Variants in ASTN2 observed in about 807,000 individuals in gnomAD.
ASTN2 encodes astrotactin 2.
In ASTN2, 54 loss-of-function variants were observed where a neutral mutation model predicts 139.8. The observed-to-expected ratio is 0.39, with a 90% CI of 0.31 to 0.48. The LOEUF (loss-of-function observed/expected upper bound fraction) is 0.48, where lower values mean the gene tolerates loss of function less well. Among genes scored for constraint, ASTN2 ranks in the 20% least tolerant of loss-of-function variants. The pLI is 0.95. For synonymous variants in ASTN2, 756 were observed against 719.5 expected (o/e 1.05, Z -0.81); for missense variants, 1,565 against 1,725.1 (o/e 0.91, Z 1.64).
intron 10 of ASTN2, among the ~76,000 whole-genome samples, chr9:116,954,099 CTTA>C (rs1057193986): frequency 9.9e-5 from 15 of 152,102 alleles, no homozygotes; most frequent in African/African-American, 2.9e-4. Flanking sequence ...TTATTCAACT[CTTA>C]TTATGAGCTG....
intron 16 of ASTN2, among the ~76,000 whole-genome samples, chr9:116,715,763 G>A (rs1828294545): frequency 6.6e-6 from 1 of 152,132 alleles, no homozygotes. Flanking sequence ...AGCCTCCTTA[G>A]CACCTCATAT....
At chr9:117,074,633 G>A (rs991057698) in intron 5 of ASTN2, among the ~76,000 whole-genome samples, 84 of 152,330 alleles carry the variant, frequency 5.5e-4, no homozygotes, top group African/African-American at 1.9e-3. Flanking sequence ...AGTGGCAATC[G>A]TTGGGGTGGA....
chr9:117,021,206 C>G (rs1333251671), intron 6 of ASTN2, among the ~76,000 whole-genome samples: 3 of 152,174 alleles, frequency 2.0e-5, no homozygotes, highest in East Asian at 1.9e-4. Context: ...CCATGCTGAG[C>G]CTTTTTTTAA....
intron 7 of ASTN2, among the ~76,000 whole-genome samples, chr9:117,000,873 G>C (rs374167898): frequency 7.9e-5 from 12 of 152,116 alleles, no homozygotes; most frequent in African/African-American, 2.7e-4. Context: ...ATATTTTCAG[G>C]CTATCAACAT....
chr9:116,537,392 A>T (rs904243265), intron 19 of ASTN2, among the ~76,000 whole-genome samples: 1 of 152,234 alleles, frequency 6.6e-6, no homozygotes, highest in African/African-American at 2.4e-5. Flanking sequence ...CACAATTTAC[A>T]TTGATAACTT....
intron 19 of ASTN2, among the ~76,000 whole-genome samples, chr9:116,518,852 G>A (rs1274127877): frequency 9.6e-6 from 1 of 104,424 alleles, no homozygotes; most frequent in South Asian, 4.1e-4. Context: ...AGTAGGAGTA[G>A]CTATTCCTAC....
chr9:116,851,610 T>C (rs71505591), intron 11 of ASTN2, among the ~76,000 whole-genome samples: 1 of 152,152 alleles, frequency 6.6e-6, no homozygotes, highest in Middle Eastern at 3.2e-3. Flanking sequence ...GGTGATATTG[T>C]TCTTTATTTT....
intron 10 of ASTN2, among the ~76,000 whole-genome samples, chr9:116,923,032 T>C (rs532018916): frequency 9.2e-5 from 14 of 152,294 alleles, no homozygotes; most frequent in South Asian, 8.3e-4. Flanking sequence ...CTATATCTCA[T>C]AACAAACCCC....
intron 10 of ASTN2, among the ~76,000 whole-genome samples, chr9:116,924,982 C>T (rs946384342): frequency 5.3e-5 from 8 of 152,116 alleles, no homozygotes; most frequent in Admixed American, 3.3e-4. Flanking sequence ...TATACGACTT[C>T]CAAACAAGTC....
chr9:116,626,481 T>C (rs748244676), intron 17 of ASTN2, among the ~76,000 whole-genome samples: 2 of 152,134 alleles, frequency 1.3e-5, no homozygotes, highest in African/African-American at 2.4e-5. Context: ...TATTATTGTG[T>C]TCTTCTAACA....
intron 12 of ASTN2, among the ~76,000 whole-genome samples, chr9:116,811,801 T>C (rs1015595003): frequency 6.6e-6 from 1 of 152,246 alleles, no homozygotes; most frequent in South Asian, 2.1e-4. Flanking sequence ...CTTAGTCCAT[T>C]AACCCATTTA....
intron 2 of ASTN2, among the ~76,000 whole-genome samples, chr9:117,222,143 A>C (rs1832543299): frequency 6.6e-6 from 1 of 151,886 alleles, no homozygotes. Flanking sequence ...TGCTCAATCC[A>C]TCTTACTTAC....
intron 17 of ASTN2, among the ~76,000 whole-genome samples, chr9:116,632,204 G>GA (rs67808933): frequency 0.012 from 659 of 53,318 alleles, 50 homozygotes; most frequent in South Asian, 0.038. Context: ...GAGAAAGAAA[G>GA]AAAAGAAAGA....
In ASTN2 at chr9:116,708,742, C is replaced by A. The variant is rs925450500; in HGVS notation, c.2806+17029G>T. The stretch of plus-strand genomic sequence containing the variant: ...CCTGACACTTGCCAGAAACAGCATT[C>A]GCAATTTTTTTAAAAGCCCAATATG... On this transcript the variant is annotated intron_variant, in intron 16 of 22. Transcript: ENST00000313400. 2.6e-5 allele frequency among the ~76,000 whole-genome samples: 4 copies of A among 152,176 alleles called. No homozygotes were observed. The South Asian group carries it at 8.3e-4, about 31-fold the overall frequency.
intron 1 of ASTN2, among the ~76,000 whole-genome samples, chr9:117,347,252 G>C (rs1468621872): frequency 6.6e-6 from 1 of 152,006 alleles, no homozygotes; most frequent in Non-Finnish European, 1.5e-5. Flanking sequence ...TGGAGAGGTG[G>C]GCTTTTGGAG....
chr9:117,236,744 G>T (rs1833056581), intron 2 of ASTN2, among the ~76,000 whole-genome samples: 1 of 152,198 alleles, frequency 6.6e-6, no homozygotes, highest in South Asian at 2.1e-4. Flanking sequence ...CCCATGCAAA[G>T]GGTATCCTCT....
At chr9:116,907,413 G>A (rs1042963517) in intron 10 of ASTN2, among the ~76,000 whole-genome samples, 1 of 152,200 alleles carries the variant, frequency 6.6e-6, no homozygotes, top group South Asian at 2.1e-4. Context: ...AGTGTCCGAG[G>A]CAGGCTCCAA....
At chr9:116,513,646 G>A (rs1223122661) in intron 19 of ASTN2, among the ~76,000 whole-genome samples, 1 of 152,156 alleles carries the variant, frequency 6.6e-6, no homozygotes, top group Non-Finnish European at 1.5e-5. Flanking sequence ...CCTATCAGAC[G>A]TAGATTTGGT....
intron 7 of ASTN2, among the ~76,000 whole-genome samples, chr9:117,001,520 A>G (rs933339251): frequency 6.6e-6 from 1 of 151,838 alleles, no homozygotes; most frequent in Non-Finnish European, 1.5e-5. Flanking sequence ...TACCTTCCCA[A>G]CCTCATCCCC....
Sources: allele counts gnomAD v4.1 joint callset (sites outside exome capture counted in the v4.1 genomes callset), GRCh38; gene constraint gnomAD v4.1.1; transcripts MANE v1.5; gene names NCBI Gene and HGNC (gene_info 2026-07-23, HGNC 2026-07-21).